Variants in LDLRAP1 observed in about 807,000 individuals in gnomAD.
The protein encoded by LDLRAP1 is low density lipoprotein receptor adaptor protein 1, also known as low density lipoprotein receptor adapter protein 1.
LDLRAP1 carries 30 observed loss-of-function variants against 37.8 expected under a neutral mutation model. The observed-to-expected ratio is 0.79, with a 90% CI of 0.59 to 1.08. The LOEUF is 1.08. LDLRAP1 is among the 50% of genes least tolerant of loss of function. LDLRAP1 has a pLI of 0.00. For synonymous variants in LDLRAP1, 156 were observed against 169.8 expected (o/e 0.92, Z 0.63); for missense variants, 375 against 401.6 (o/e 0.93, Z 0.57).
At chr1:25,582,427 A>G in the LDLRAP1 span, among the ~76,000 whole-genome samples, 3 of 151,798 alleles carry the variant, frequency 2.0e-5, no homozygotes, top group South Asian at 6.3e-4. Flanking sequence ...TCTACTAAAA[A>G]TACAAAACTT....
rs370301309 is a variant in LDLRAP1 at position 25,556,760 on chromosome 1, A to G, written c.345-393A>G. Among the ~76,000 whole-genome samples the G allele has an allele frequency of 1.6e-3, 239 of 152,308 alleles. 8 individuals carry two copies. Among genetic ancestry groups the G allele is most frequent in the Middle Eastern group, 3.4e-3 (1 of 294 alleles). On this transcript the variant is annotated intron_variant, in intron 3 of 8. Coordinates refer to ENST00000374338, the MANE Select transcript of LDLRAP1 (RefSeq NM_015627.3). Reference sequence around the variant, plus strand: ...CTTTAGCCTCAGTTTACTTCATCTGAAAAACATGGATAGTGATAGAACCCG... The same window carrying G: ...CTTTAGCCTCAGTTTACTTCATCTGGAAAACATGGATAGTGATAGAACCCG...
At chr1:25,570,254 G>T (rs2044585554), downstream of LDLRAP1, among the ~76,000 whole-genome samples, 1 of 152,126 alleles carries the variant, frequency 6.6e-6, no homozygotes, top group Admixed American at 6.5e-5. Context: ...TTTAAATTTG[G>T]CCAATGTCTT....
intron 6 of LDLRAP1, 65 bp downstream of exon 6, chr1:25,563,218 TC>T: frequency 7.2e-7 from 1 of 1,383,006 alleles, no homozygotes; most frequent in African/African-American, 1.4e-5. Flanking sequence ...CCCAGGGGGG[TC>T]CCACTCCTGC....
In LDLRAP1 at chr1:25,557,388, G is replaced by A. The variant is rs78112031; in HGVS notation, c.459+121G>A. The A allele has an allele frequency of 9.1e-3, 7,015 of 773,546 alleles. 323 individuals carry two copies. The African/African-American group carries it at 0.1, about 11-fold the overall frequency. The allele number at this position is 773,546 out of a possible 1,614,324, so 47.9% of individuals were successfully genotyped here. A position where few individuals can be genotyped will look rare whatever the true frequency, so the allele number is the denominator to read the frequency against. On this transcript the variant is annotated intron_variant, in intron 4 of 8. Transcript: ENST00000374338. Reference sequence around the variant, plus strand: ...GGTGACCATTACTTAAGAAGAGGGTGAAATCTCTGGGAACCCCAAGTGGGT... The same window carrying A: ...GGTGACCATTACTTAAGAAGAGGGTAAAATCTCTGGGAACCCCAAGTGGGT...
rs375900985 is a variant in LDLRAP1, at chr1:25,557,221, A to G, written c.413A>G (p.Asn138Ser). The change falls in exon 4 of 9, where the codon AAC becomes AGC. Residue 138 changes from asparagine (N) to serine (S), a missense_variant. By Grantham distance (46) the Asn-to-Ser change is conservative. Coordinates refer to ENST00000374338, the MANE Select transcript of LDLRAP1 (RefSeq NM_015627.3). ...GCATACATCGCCCAGAGCCAGCACA[A>G]CCAGAGCCTCGAGTGCCACGCCTTC... ...VFAYIAQSQH[N>S]QSLECHAFLC... 8.2e-5 allele frequency: 132 copies of G among 1,611,700 alleles called. No homozygotes were observed. Among genetic ancestry groups the G allele is most frequent in the Non-Finnish European group, 1.0e-4 (119 of 1,178,734 alleles).
In LDLRAP1 at chr1:25,544,884, T is replaced by C. The variant is rs925393943; in HGVS notation, c.88+1098T>C. On this transcript the variant is annotated intron_variant, in intron 1 of 8. Coordinates refer to ENST00000374338, the MANE Select transcript of LDLRAP1 (RefSeq NM_015627.3). This position sits in a 1 kb window ranked among gnomAD's most constrained non-coding sequence, Gnocchi z 4.8. ...CCATCCCCTCTTGGCCTTACAGGGCTCTGCCAGGGGAGCCCGAGCTCCCTG... is the reference window on the plus strand; with the variant it reads ...CCATCCCCTCTTGGCCTTACAGGGCCCTGCCAGGGGAGCCCGAGCTCCCTG... 3.4e-4 allele frequency among the ~76,000 whole-genome samples: 51 copies of C among 152,210 alleles called. No homozygotes were observed. Among genetic ancestry groups the C allele is most frequent in the African/African-American group, 1.2e-3 (50 of 41,458 alleles).
rs146138248 is a variant in LDLRAP1 at position 25,560,798 on chromosome 1, C to T, written c.460-1846C>T. On this transcript the variant is annotated intron_variant, in intron 4 of 8. Coordinates refer to ENST00000374338, the MANE Select transcript of LDLRAP1 (RefSeq NM_015627.3). ...TCCACTCAGGATAATAAGGCAGACC[C>T]GAAGGCCAGAGGCAGTCAGGAGGGG... 1.8e-4 allele frequency among the ~76,000 whole-genome samples: 27 copies of T among 152,324 alleles called. No individual in the cohort carries two copies. In the East Asian group the frequency reaches 4.8e-3, roughly 27 times the overall value.
the LDLRAP1 span, among the ~76,000 whole-genome samples, chr1:25,589,007 T>A: frequency 6.6e-6 from 1 of 152,144 alleles, no homozygotes; most frequent in South Asian, 2.1e-4. Flanking sequence ...TTCCTTCCTC[T>A]AAGAAGTCTT....
the LDLRAP1 span, among the ~76,000 whole-genome samples, chr1:25,577,384 T>C: frequency 6.6e-6 from 1 of 151,964 alleles, no homozygotes; most frequent in Admixed American, 6.6e-5. Context: ...TGGGCTGGGC[T>C]TTCCCTGACC....
At chr1:25,557,081 G>T (rs2044217781) in intron 3 of LDLRAP1, 72 bp from the exon 4 acceptor site, 1 of 1,117,998 alleles carries the variant, frequency 8.9e-7, no homozygotes, top group Non-Finnish European at 1.4e-6. Flanking sequence ...CAGGGGAGCT[G>T]CCCTGCAGGG....
At chr1:25,562,515 G>C in intron 4 of LDLRAP1, 129 bp from the exon 5 acceptor site, 4 of 765,472 alleles carry the variant, frequency 5.2e-6, no homozygotes, top group Non-Finnish European at 6.8e-6. Context: ...TCCAGAGCCT[G>C]GGATGGAGCT....
At chr1:25,551,213 G>T (rs2044064005) in intron 1 of LDLRAP1, among the ~76,000 whole-genome samples, 1 of 152,214 alleles carries the variant, frequency 6.6e-6, no homozygotes, top group Non-Finnish European at 1.5e-5. Context: ...TGCTGTCCTT[G>T]CTTAGATGGG....
chr1:25,574,571 C>G, the LDLRAP1 span, among the ~76,000 whole-genome samples: 1 of 152,170 alleles, frequency 6.6e-6, no homozygotes, highest in Non-Finnish European at 1.5e-5. Context: ...GTGTCGGGAG[C>G]CCTGTGGGTG....
At chr1:25,560,017 A>G (rs1036624921) in intron 4 of LDLRAP1, among the ~76,000 whole-genome samples, 15 of 151,190 alleles carry the variant, frequency 9.9e-5, no homozygotes, top group South Asian at 4.2e-4. Context: ...AGACACCTTG[A>G]ATGGGGCTTT....
chr1:25,544,879 AG>A lies in LDLRAP1; in HGVS notation c.88+1096del, dbSNP rs2043895428. 6.6e-6 allele frequency among the ~76,000 whole-genome samples: 1 copy of A among 152,170 alleles called. No homozygotes were observed. The highest frequency in any genetic ancestry group is 2.4e-5 in the African/African-American group (1 of 41,444). ...TCATCCCATCCCCTCTTGGCCTTACAGGGCTCTGCCAGGGGAGCCCGAGCTC... is the reference window on the plus strand; with the variant it reads ...TCATCCCATCCCCTCTTGGCCTTACAGGCTCTGCCAGGGGAGCCCGAGCTC... On this transcript the variant is annotated intron_variant, in intron 1 of 8. Transcript: ENST00000374338. This position sits in a 1 kb window ranked among gnomAD's most constrained non-coding sequence, Gnocchi z 4.8.
At chr1:25,572,678 T>C (rs1010152531), downstream of LDLRAP1, among the ~76,000 whole-genome samples, 2 of 152,170 alleles carry the variant, frequency 1.3e-5, no homozygotes, top group Non-Finnish European at 2.9e-5. Context: ...ACCGACTCCA[T>C]GCCCAGTCCT....
Position 25,565,175 on chromosome 1 carries a change from G to T in LDLRAP1, c.750G>T (p.Glu250Asp), listed in dbSNP as rs750051991. ...TCTCCTGCTTTGTTTTCCCCAAGGA[G>T]CTGGATGATGGCCTGGATGAAGCGT... ...QALSGSSVVWELDDGLDEAFS... is the reference protein window; with the variant it reads ...QALSGSSVVWDLDDGLDEAFS... Residue 250 changes from glutamate (E) to aspartate (D), a missense_variant and splice_region_variant, in exon 8 of 9, where the codon GAG (glutamate) becomes GAT (aspartate). Coordinates refer to ENST00000374338, the MANE Select transcript of LDLRAP1 (RefSeq NM_015627.3). The T allele has an allele frequency of 6.2e-7, 1 of 1,614,202 alleles. No individual in the cohort carries two copies. The highest frequency in any genetic ancestry group is 2.2e-5 in the East Asian group (1 of 44,884).
intron 3 of LDLRAP1, among the ~76,000 whole-genome samples, chr1:25,556,130 T>TG (rs1254924849): frequency 6.6e-6 from 1 of 152,170 alleles, no homozygotes; most frequent in East Asian, 1.9e-4. Flanking sequence ...GGGGTGTTGA[T>TG]GCCTGTGATT....
the LDLRAP1 span, among the ~76,000 whole-genome samples, chr1:25,576,467 A>G: frequency 2.0e-5 from 3 of 152,218 alleles, no homozygotes; most frequent in African/African-American, 2.4e-5. Flanking sequence ...CAGAGGTTGC[A>G]GTGAGCCGAG....
Sources: gnomAD v4.1 joint callset for allele counts (sites outside exome capture counted in the v4.1 genomes callset) on GRCh38, gnomAD v4.1.1 for gene constraint, Gnocchi (gnomAD v3.1) non-coding constraint, MANE v1.5 for transcripts, NCBI Gene and HGNC (gene_info 2026-07-23, HGNC 2026-07-21) for gene names.